The following ARHGAP15 variants were observed in gnomAD, a reference collection of about 807,000 sequenced individuals.
ARHGAP15 encodes the protein rho GTPase-activating protein 15.
Under a neutral mutation model 63.7 loss-of-function variants are expected in ARHGAP15, and 51 were observed. The ratio of observed to expected loss-of-function variants is 0.80; its 90% CI spans 0.64 to 1.01. The LOEUF is 1.01. ARHGAP15 is among the 50% of genes least tolerant of loss of function. ARHGAP15 has a pLI of 0.00. For synonymous variants in ARHGAP15, 191 were observed against 193.8 expected, an observed-to-expected ratio of 0.99 and a Z score of 0.12; for missense variants, 560 against 564.6, an observed-to-expected ratio of 0.99 and a Z score of 0.08.
chr2:143,323,921 A>AAAAAAAAAAAAAC (rs1558893097), intron 6 of ARHGAP15, among the ~76,000 whole-genome samples: 2 of 149,546 alleles, frequency 1.3e-5, no homozygotes, highest in African/African-American at 4.9e-5. Flanking sequence ...AAAAAAAAAA[A>AAAAAAAAAAAAAC]AACACCTAAA....
chr2:143,376,451 T>G (rs986345871), intron 6 of ARHGAP15, among the ~76,000 whole-genome samples: 2 of 152,280 alleles, frequency 1.3e-5, no homozygotes. Context: ...GTAAGGTTGG[T>G]GTAGAAAACG....
chr2:143,411,230 A>G (rs1688431051), intron 6 of ARHGAP15, among the ~76,000 whole-genome samples: 1 of 74,702 alleles, frequency 1.3e-5, no homozygotes, highest in Non-Finnish European at 3.0e-5. Context: ...AAGAAAATAT[A>G]GTAGGAAAGG....
intron 10 of ARHGAP15, among the ~76,000 whole-genome samples, chr2:143,541,161 G>T (rs972187924): frequency 6.6e-6 from 1 of 152,052 alleles, no homozygotes; most frequent in Non-Finnish European, 1.5e-5. Context: ...TCTGCCAGTT[G>T]ATCGCATCGG....
At chr2:143,297,183 G>GA (rs1682673805) in intron 6 of ARHGAP15, among the ~76,000 whole-genome samples, 1 of 151,968 alleles carries the variant, frequency 6.6e-6, no homozygotes, top group East Asian at 1.9e-4. Context: ...GCCTTAGCAA[G>GA]AGAGGGGATT....
intron 3 of ARHGAP15, among the ~76,000 whole-genome samples, chr2:143,210,901 T>G (rs1052952141): frequency 1.7e-4 from 25 of 151,380 alleles, no homozygotes; most frequent in Admixed American, 5.3e-4. Flanking sequence ...TTCTTAAAAA[T>G]GTGCACACAC....
At chr2:143,484,379 A>AG (rs1204509311) in intron 8 of ARHGAP15, among the ~76,000 whole-genome samples, 1 of 151,366 alleles carries the variant, frequency 6.6e-6, no homozygotes, top group Non-Finnish European at 1.5e-5. Flanking sequence ...AAAAAAAAAA[A>AG]AAATTAGCCA....
intron 13 of ARHGAP15, among the ~76,000 whole-genome samples, chr2:143,727,989 A>C (rs776888284): frequency 1.2e-4 from 18 of 152,192 alleles, no homozygotes; most frequent in Admixed American, 3.3e-4. Context: ...TTTTTTCTAT[A>C]TTATACTGCA....
intron 6 of ARHGAP15, among the ~76,000 whole-genome samples, chr2:143,298,854 C>T (rs773112956): frequency 2.6e-5 from 4 of 151,864 alleles, no homozygotes; most frequent in Non-Finnish European, 5.9e-5. Context: ...AGTTGTTTTA[C>T]ACTTATTATC....
chr2:143,344,849 A>G (rs1486911741), intron 6 of ARHGAP15, among the ~76,000 whole-genome samples: 3 of 152,150 alleles, frequency 2.0e-5, no homozygotes, highest in Admixed American at 2.0e-4. Context: ...AGTAAACTAC[A>G]AGGAATATCA....
intron 6 of ARHGAP15, among the ~76,000 whole-genome samples, chr2:143,316,571 T>C (rs943389441): frequency 2.0e-5 from 3 of 147,498 alleles, no homozygotes; most frequent in African/African-American, 7.4e-5. Context: ...TTTTAAAACA[T>C]ATATTAAAAT....
At chr2:143,321,753 A>C (rs1005530328) in intron 6 of ARHGAP15, among the ~76,000 whole-genome samples, 1 of 152,216 alleles carries the variant, frequency 6.6e-6, no homozygotes, top group South Asian at 2.1e-4. Flanking sequence ...TTGGAGTGTA[A>C]TGGCACTGTC....
chr2:143,429,141 G>A (rs1689269860), intron 6 of ARHGAP15, among the ~76,000 whole-genome samples: 1 of 150,918 alleles, frequency 6.6e-6, no homozygotes, highest in African/African-American at 2.4e-5. Flanking sequence ...TACTTGGATA[G>A]TATTCTTTCA....
rs6751384 is a variant in ARHGAP15, at chr2:143,168,637, C to T, written c.165+12982C>T. On this transcript the variant is annotated intron_variant, in intron 2 of 13. Transcript: ENST00000295095. Reference sequence around the variant, plus strand: ...TTATTCTGGGTTATCTAAGATTTAACTTTAATCATTCTGAAAACTTGAAGA... The same window carrying T: ...TTATTCTGGGTTATCTAAGATTTAATTTTAATCATTCTGAAAACTTGAAGA... Among the ~76,000 whole-genome samples the T allele has an allele frequency of 1.2e-3, 184 of 152,132 alleles. 1 individual carries two copies. The highest frequency in any genetic ancestry group is 4.3e-3 in the African/African-American group (177 of 41,538).
intron 13 of ARHGAP15, among the ~76,000 whole-genome samples, chr2:143,756,055 C>T (rs1204626775): frequency 6.6e-6 from 1 of 152,078 alleles, no homozygotes; most frequent in Non-Finnish European, 1.5e-5. Context: ...GCAACTGATT[C>T]TCCTTTGACT....
rs60894627 is a variant in ARHGAP15 at position 143,765,109 on chromosome 2, A to ATGTGTGTGTGTGTG, written c.1245-2855_1245-2842dup. On this transcript the variant is annotated intron_variant, in intron 13 of 13. Coordinates refer to ENST00000295095, the MANE Select transcript of ARHGAP15 (RefSeq NM_018460.4). ...CTATCTCCATATTTGCCTCTAAAAT[A>ATGTGTGTGTGTGTG]TGTGTGTGTGTGTGTGTGTGTGTGT... Among the ~76,000 whole-genome samples the ATGTGTGTGTGTGTG allele has an allele frequency of 8.5e-3, 1,261 of 147,590 alleles. 12 individuals are homozygous for ATGTGTGTGTGTGTG. The highest frequency in any genetic ancestry group is 0.03 in the African/African-American group (1,177 of 39,650).
chr2:143,340,538 T>A (rs988704911), intron 6 of ARHGAP15, among the ~76,000 whole-genome samples: 4 of 151,628 alleles, frequency 2.6e-5, no homozygotes, highest in African/African-American at 7.3e-5. Flanking sequence ...TTTTTTTTTT[T>A]AATAAATTTT....
At chr2:143,337,384 C>T (rs1257120386) in intron 6 of ARHGAP15, among the ~76,000 whole-genome samples, 4 of 152,112 alleles carry the variant, frequency 2.6e-5, no homozygotes, top group Admixed American at 6.6e-5. Context: ...GGCAGTGCAG[C>T]ATGATGTTGT....
chr2:143,692,499 T>A (rs996647891), intron 12 of ARHGAP15, among the ~76,000 whole-genome samples: 1 of 152,180 alleles, frequency 6.6e-6, no homozygotes, highest in African/African-American at 2.4e-5. Flanking sequence ...GTTACAGTAT[T>A]TGGGTGACAA....
chr2:143,327,124 G>A (rs964294815), intron 6 of ARHGAP15, among the ~76,000 whole-genome samples: 1 of 152,106 alleles, frequency 6.6e-6, no homozygotes, highest in African/African-American at 2.4e-5. Flanking sequence ...ACCAATAATA[G>A]AGAGCTAAAT....
Sources: allele counts gnomAD v4.1 joint callset (sites outside exome capture counted in the v4.1 genomes callset), GRCh38; gene constraint gnomAD v4.1.1; transcripts MANE v1.5; gene names NCBI Gene and HGNC (gene_info 2026-07-23, HGNC 2026-07-21).